The following PCDHGA12 variants were observed in gnomAD, a reference collection of about 807,000 sequenced individuals.
PCDHGA12 encodes the protein protocadherin gamma-A12.
Under a neutral mutation model 61.1 loss-of-function variants are expected in PCDHGA12, and 43 were observed. That is an observed-to-expected ratio of 0.70 (90% CI 0.55 to 0.91). The LOEUF (loss-of-function observed/expected upper bound fraction) is 0.91. PCDHGA12 is among the 40% of genes least tolerant of loss of function. The pLI, the probability that PCDHGA12 is intolerant of heterozygous loss-of-function variation, is 0.00. For synonymous variants in PCDHGA12, 520 were observed against 542.9 expected (o/e 0.96, Z 0.59); for missense variants, 1,236 against 1,227.7 (o/e 1.01, Z -0.10).
intron 1 of PCDHGA12, among the ~76,000 whole-genome samples, chr5:141,447,221 C>A (rs1034853072): frequency 6.6e-6 from 1 of 152,026 alleles, no homozygotes; most frequent in Non-Finnish European, 1.5e-5. Context: ...CTCACTGCAA[C>A]CTCCGCCTCC....
At position 141,485,566 on chromosome 5, in the gene PCDHGA12, C is replaced by T. The variant is rs768144422; in HGVS notation, c.2425-9241C>T. The T allele has an allele frequency of 6.2e-7, 1 of 1,612,926 alleles. No homozygotes were observed. Among genetic ancestry groups the T allele is most frequent in the African/African-American group, 1.3e-5 (1 of 75,016 alleles). ...TCGTAGATGTGAATGATCACGCCCC[C>T]CGTTTTCCGCGGCAGCAGCTGGACT... On this transcript the variant is annotated intron_variant, in intron 1 of 3. Transcript: ENST00000252085. The surrounding 1 kb of genome is among the most constrained non-coding windows in gnomAD (Gnocchi z 5.7).
At chr5:141,443,844 G>T (rs976057583) in intron 1 of PCDHGA12, among the ~76,000 whole-genome samples, 1 of 152,130 alleles carries the variant, frequency 6.6e-6, no homozygotes, top group African/African-American at 2.4e-5. Flanking sequence ...GGGTAATATG[G>T]AAAGTCTGAA....
intron 1 of PCDHGA12, among the ~76,000 whole-genome samples, chr5:141,468,798 G>A (rs895012127): frequency 7.9e-5 from 12 of 151,646 alleles, no homozygotes; most frequent in East Asian, 2.0e-4. Context: ...CCCGGGAGGC[G>A]GAACTTGCAG....
At chr5:141,495,213 C>T (rs568314100) in intron 2 of PCDHGA12, among the ~76,000 whole-genome samples, 1 of 152,326 alleles carries the variant, frequency 6.6e-6, no homozygotes, top group South Asian at 2.1e-4. Flanking sequence ...AACCCCCTCC[C>T]CTGAGTTGAG....
intron 3 of PCDHGA12, among the ~76,000 whole-genome samples, chr5:141,510,373 T>TC (rs112437269): frequency 0.25 from 37,727 of 151,394 alleles, 4,765 homozygotes; most frequent in Admixed American, 0.33. Context: ...GAATCTCTAC[T>TC]CGTGCCAGGC....
At chr5:141,459,603 A>G (rs867387156) in intron 1 of PCDHGA12, among the ~76,000 whole-genome samples, 1 of 152,244 alleles carries the variant, frequency 6.6e-6, no homozygotes, top group Non-Finnish European at 1.5e-5. Flanking sequence ...AATGGGAAGT[A>G]TATGCTTAAC....
chr5:141,485,935 C>A lies in PCDHGA12; in HGVS notation c.2425-8872C>A. The stretch of plus-strand genomic sequence containing the variant: ...GCTACAGGATTAGTGTGTTGGAGAG[C>A]GCACCAGCGGGCATGGTGCTCATCC... On this transcript the variant is annotated intron_variant, in intron 1 of 3. Coordinates refer to ENST00000252085, the MANE Select transcript of PCDHGA12 (RefSeq NM_003735.3). This position sits in a 1 kb window ranked among gnomAD's most constrained non-coding sequence, Gnocchi z 5.7. The A allele has an allele frequency of 3.1e-6, 5 of 1,614,144 alleles. No homozygotes were observed. Among genetic ancestry groups the A allele is most frequent in the Non-Finnish European group, 3.4e-6 (4 of 1,180,030 alleles).
intron 1 of PCDHGA12, among the ~76,000 whole-genome samples, chr5:141,456,765 C>A (rs1468235444): frequency 2.0e-5 from 3 of 151,852 alleles, no homozygotes; most frequent in Non-Finnish European, 2.9e-5. Context: ...GAGTTTGAGA[C>A]CAGCCTGGCC....
chr5:141,492,042 A>T, intron 1 of PCDHGA12: 1 of 519,520 alleles, frequency 1.9e-6, no homozygotes, highest in Non-Finnish European at 3.4e-6. Context: ...GCAGTCACAG[A>T]TCCACCCCTG....
chr5:141,434,517 G>A (rs1476955199), intron 1 of PCDHGA12, among the ~76,000 whole-genome samples: 1 of 152,212 alleles, frequency 6.6e-6, no homozygotes, highest in East Asian at 1.9e-4. Context: ...GCTTAAAGGT[G>A]TTCTTAAACC....
intron 1 of PCDHGA12, among the ~76,000 whole-genome samples, chr5:141,450,894 G>C (rs919860611): frequency 6.7e-6 from 1 of 148,956 alleles, no homozygotes; most frequent in Admixed American, 6.7e-5. Context: ...GTGCGATATC[G>C]GCTCACTGCA....
chr5:141,468,790 C>T (rs1215557602), intron 1 of PCDHGA12, among the ~76,000 whole-genome samples: 10 of 151,564 alleles, frequency 6.6e-5, no homozygotes, highest in African/African-American at 2.2e-4. Context: ...GGCGTGAACC[C>T]GGGAGGCGGA....
rs1464961193 is a variant in PCDHGA12 at position 141,432,346 on chromosome 5, A to G, written c.1587A>G (p.Gln529=). The G allele has an allele frequency of 6.2e-7, 1 of 1,614,192 alleles. No homozygotes were observed. Among genetic ancestry groups the G allele is most frequent in the African/African-American group, 1.3e-5 (1 of 75,054 alleles). The change falls in exon 1 of 4, where the codon CAA becomes CAG. Residue 529 remains glutamine, a synonymous_variant. Coordinates refer to ENST00000252085, the MANE Select transcript of PCDHGA12 (RefSeq NM_003735.3). This position sits in a 1 kb window ranked among gnomAD's most constrained non-coding sequence, Gnocchi z 6.0. ...SFDYEQFRDL[Q]VKVMARDNGH... is the part of the protein sequence containing the mutation. ...ACTACGAGCAGTTCCGAGACTTGCA[A>G]GTGAAAGTGATGGCGCGGGACAACG...
intron 3 of PCDHGA12, among the ~76,000 whole-genome samples, chr5:141,509,574 G>T (rs554778751): frequency 6.6e-6 from 1 of 152,300 alleles, no homozygotes; most frequent in South Asian, 2.1e-4. Context: ...TTCACAGTGC[G>T]TACAAATCAG....
In PCDHGA12 at chr5:141,433,164, A is replaced by G; in HGVS notation, c.2405A>G (p.Asp802Gly). 1.9e-6 allele frequency: 3 copies of G among 1,613,600 alleles called. No homozygotes were observed. The highest frequency in any genetic ancestry group is 2.5e-6 in the Non-Finnish European group (3 of 1,179,856). Residue 802 changes from aspartate (D) to glycine (G), a missense_variant, in exon 1 of 4, where the codon GAC becomes GGC. Asp to Gly is a moderately conservative substitution (Grantham distance 94, BLOSUM62 -1). Transcript: ENST00000252085. The part of the protein sequence containing the change: ...LLSGDSVFSK[D>G]SHGLIEQAPP... Reference sequence around the variant, plus strand: ...TCAGGTGATTCGGTATTTTCTAAAGACAGTCATGGGTTAATTGAGGTGAGT... The same window carrying G: ...TCAGGTGATTCGGTATTTTCTAAAGGCAGTCATGGGTTAATTGAGGTGAGT...
In PCDHGA12 at chr5:141,511,033, C is replaced by T. The variant is rs1185153127; in HGVS notation, c.2659C>T (p.His887Tyr). 6.2e-7 allele frequency: 1 copy of T among 1,614,202 alleles called. No individual in the cohort carries two copies. The highest frequency in any genetic ancestry group is 1.7e-5 in the Admixed American group (1 of 60,032). ...CTACGGACCCCAGTTCACCCTGCAG[C>T]ACGTGCCCGACTACCGCCAGAATGT... ...ARYGPQFTLQ[H>Y]VPDYRQNVYI... Residue 887 changes from histidine to tyrosine, a missense_variant, in exon 4 of 4, where the codon CAC becomes TAC. His to Tyr is a moderately conservative substitution (Grantham distance 83). Coordinates refer to ENST00000252085, the MANE Select transcript of PCDHGA12 (RefSeq NM_003735.3).
chr5:141,477,600 T>A lies in PCDHGA12; in HGVS notation c.2425-17207T>A, dbSNP rs746047124. The A allele has an allele frequency of 6.2e-6, 10 of 1,614,146 alleles. No homozygotes were observed. The highest frequency in any genetic ancestry group is 7.6e-6 in the Non-Finnish European group (9 of 1,180,026). ...CCGCAGAATGCTCGGCTTTCTTTCT[T>A]TCTCTTGGAGCAAGGAGCTGAAACC... On this transcript the variant is annotated intron_variant, in intron 1 of 3. Coordinates refer to ENST00000252085, the MANE Select transcript of PCDHGA12 (RefSeq NM_003735.3). This position sits in a 1 kb window ranked among gnomAD's most constrained non-coding sequence, Gnocchi z 4.9.
At chr5:141,462,062 A>T (rs957948334) in intron 1 of PCDHGA12, among the ~76,000 whole-genome samples, 3 of 152,168 alleles carry the variant, frequency 2.0e-5, no homozygotes, top group African/African-American at 2.4e-5. Context: ...ACCTCAGGTG[A>T]TCTGCCCGCC....
At position 141,431,020 on chromosome 5, in the gene PCDHGA12, G is replaced by T. The variant is rs941765907; in HGVS notation, c.261G>T (p.Ala87=). The part of the protein sequence containing the change: ...LNPRSGSLVT[A]GRIDREELCM... ...CGCGCAGCGGCAGCTTGGTCACGGCGGGCAGGATAGACCGGGAGGAGCTCT... is the reference window on the plus strand; with the variant it reads ...CGCGCAGCGGCAGCTTGGTCACGGCTGGCAGGATAGACCGGGAGGAGCTCT... Residue 87 remains alanine (A), a synonymous_variant, in exon 1 of 4, where the codon GCG becomes GCT. Coordinates refer to ENST00000252085, the MANE Select transcript of PCDHGA12 (RefSeq NM_003735.3). This position sits in a 1 kb window ranked among gnomAD's most constrained non-coding sequence, Gnocchi z 4.8. 2.5e-6 allele frequency: 4 copies of T among 1,614,050 alleles called. No homozygotes were observed. The East Asian group carries it at 8.9e-5, about 36-fold the overall frequency.
Sources: gnomAD v4.1 joint callset for allele counts (sites outside exome capture counted in the v4.1 genomes callset) on GRCh38, gnomAD v4.1.1 for gene constraint, Gnocchi (gnomAD v3.1) non-coding constraint, MANE v1.5 for transcripts, NCBI Gene and HGNC (gene_info 2026-07-23, HGNC 2026-07-21) for gene names.